Variants in PTPN9 observed in about 807,000 individuals in gnomAD.
The protein encoded by PTPN9 is tyrosine-protein phosphatase non-receptor type 9.
Under a neutral mutation model 69.8 loss-of-function variants are expected in PTPN9, and 26 were observed. The ratio of observed to expected loss-of-function variants is 0.37; its 90% CI spans 0.27 to 0.52. PTPN9 has a LOEUF of 0.52. Ranked by LOEUF, PTPN9 falls within the 20% of genes least tolerant of loss-of-function variation. PTPN9 has a pLI of 0.91. For missense variants in PTPN9, 549 were observed against 740.3 expected (o/e 0.74, Z 3.00); for synonymous variants, 274 against 272.5 (o/e 1.01, Z -0.05).
At chr15:75,548,569 A>T (rs543391280) in intron 1 of PTPN9, among the ~76,000 whole-genome samples, 27 of 151,302 alleles carry the variant, frequency 1.8e-4, no homozygotes, top group Non-Finnish European at 3.5e-4. Context: ...TCATAATATG[A>T]ACTTCTAAAG....
At chr15:75,578,073 T>A (rs779789075) in intron 1 of PTPN9, among the ~76,000 whole-genome samples, 1 of 152,204 alleles carries the variant, frequency 6.6e-6, no homozygotes, top group African/African-American at 2.4e-5. Context: ...GACAGTCAGA[T>A]GAGACGAGGG....
chr15:75,498,150 A>G (rs1488047744), intron 7 of PTPN9, among the ~76,000 whole-genome samples: 1 of 151,914 alleles, frequency 6.6e-6, no homozygotes, highest in Admixed American at 6.6e-5. Flanking sequence ...AGCTGAGATC[A>G]CGCCACTGAA....
In PTPN9 at chr15:75,557,150, C is replaced by G. The variant is rs186905048; in HGVS notation, c.63+21564G>C. On this transcript the variant is annotated intron_variant, in intron 1 of 12. Coordinates refer to ENST00000618819, the MANE Select transcript of PTPN9 (RefSeq NM_002833.4). ...ATTGAGAATAGTGCTGCTGATCAGA[C>G]GCAGTGGCTAATGCCTGTAATCCCA... Among the ~76,000 whole-genome samples, 926 of 152,158 alleles carry G rather than the reference C, an allele frequency of 6.1e-3. 3 individuals carry two copies. The highest frequency in any genetic ancestry group is 0.01 in the Non-Finnish European group (693 of 67,984).
chr15:75,527,394 GACAA>G (rs2074934143), intron 1 of PTPN9, 133 bp from the exon 2 acceptor site: 1 of 952,048 alleles, frequency 1.1e-6, no homozygotes, highest in African/African-American at 1.7e-5. Context: ...AGCAGGGAAA[GACAA>G]ACAAAAAGGT....
At chr15:75,577,870 T>C (rs2075180814) in intron 1 of PTPN9, among the ~76,000 whole-genome samples, 1 of 152,080 alleles carries the variant, frequency 6.6e-6, no homozygotes. Flanking sequence ...GAAAAGCCCG[T>C]AGGGTTCCCA....
rs768463858 is a variant in PTPN9 at position 75,527,301 on chromosome 15, A to T, written c.64-40T>A. The T allele has an allele frequency of 5.0e-6, 8 of 1,607,818 alleles. No homozygotes were observed. In the South Asian group the frequency reaches 8.8e-5, roughly 18 times the overall value. ...AAGAAAGAATAATTAGTAAGAAGAG[A>T]GCATATTTATGGAGTCAAAAAACAA... On this transcript the variant is annotated intron_variant, in intron 1 of 12. Coordinates refer to ENST00000618819, the MANE Select transcript of PTPN9 (RefSeq NM_002833.4).
At chr15:75,537,622 G>A (rs538896199) in intron 1 of PTPN9, among the ~76,000 whole-genome samples, 1 of 149,268 alleles carries the variant, frequency 6.7e-6, no homozygotes, top group Non-Finnish European at 1.5e-5. Flanking sequence ...GGGCGTGGTG[G>A]TGCGCACCTG....
chr15:75,484,418 A>G (rs1043764316), intron 8 of PTPN9, among the ~76,000 whole-genome samples: 1 of 152,246 alleles, frequency 6.6e-6, no homozygotes, highest in Non-Finnish European at 1.5e-5. Context: ...CCTGGACTCC[A>G]TTATTACCTG....
At chr15:75,508,725 T>G (rs778529777) in intron 6 of PTPN9, among the ~76,000 whole-genome samples, 192 bp downstream of exon 6, 4 of 152,222 alleles carry the variant, frequency 2.6e-5, no homozygotes, top group Non-Finnish European at 5.9e-5. Context: ...AAGAAGCTCG[T>G]AGGACAGTAA....
At chr15:75,499,398 A>AAT (rs2074760902) in intron 7 of PTPN9, among the ~76,000 whole-genome samples, 3 of 95,852 alleles carry the variant, frequency 3.1e-5, no homozygotes, top group African/African-American at 9.7e-5. Flanking sequence ...ATCTAAACCC[A>AAT]CTTTTTTTTT....
At chr15:75,568,704 G>A (rs1166188716) in intron 1 of PTPN9, among the ~76,000 whole-genome samples, 2 of 151,836 alleles carry the variant, frequency 1.3e-5, no homozygotes, top group Admixed American at 6.6e-5. Flanking sequence ...AGGCATGGTG[G>A]TACATGCTTG....
At chr15:75,470,163 G>A (rs1214732201) in intron 11 of PTPN9, among the ~76,000 whole-genome samples, 164 bp from the exon 12 acceptor site, 1 of 101,740 alleles carries the variant, frequency 9.8e-6, no homozygotes, top group Non-Finnish European at 1.9e-5. Context: ...AAACCCAAAG[G>A]AAGGGTTGGT....
intron 7 of PTPN9, among the ~76,000 whole-genome samples, chr15:75,505,325 G>A (rs1390252916): frequency 4.0e-5 from 6 of 149,708 alleles, no homozygotes; most frequent in Non-Finnish European, 3.0e-5. Context: ...CACTGCGGAA[G>A]GCCGCAGGGT....
chr15:75,550,719 G>A (rs911394936), intron 1 of PTPN9, among the ~76,000 whole-genome samples: 3 of 151,996 alleles, frequency 2.0e-5, no homozygotes, highest in African/African-American at 4.8e-5. Flanking sequence ...CCCGGGAGAA[G>A]GTTGCAGTGA....
chr15:75,509,877 G>A (rs927250679), intron 5 of PTPN9, among the ~76,000 whole-genome samples: 1 of 151,934 alleles, frequency 6.6e-6, no homozygotes, highest in Non-Finnish European at 1.5e-5. Flanking sequence ...CCTGCTACTC[G>A]GGAGGCTAAG....
intron 7 of PTPN9, among the ~76,000 whole-genome samples, chr15:75,502,595 T>C (rs1555454497): frequency 2.0e-5 from 3 of 152,118 alleles, no homozygotes; most frequent in Non-Finnish European, 2.9e-5. Context: ...AGTTATAAAC[T>C]AGCGAGATGG....
intron 1 of PTPN9, among the ~76,000 whole-genome samples, chr15:75,558,015 CA>C (rs2075084889): frequency 6.6e-6 from 1 of 151,816 alleles, no homozygotes; most frequent in South Asian, 2.1e-4. Flanking sequence ...GCCAACATGC[CA>C]AAACCTCATC....
At chr15:75,506,089 T>C (rs1279901884) in intron 6 of PTPN9, 86 bp from the exon 7 acceptor site, 1 of 1,081,464 alleles carries the variant, frequency 9.2e-7, no homozygotes, top group Non-Finnish European at 1.3e-6. Context: ...TTATATCAGG[T>C]TTGGAGGATG....
chr15:75,509,158 T>G (rs2074834127), intron 5 of PTPN9, 131 bp from the exon 6 acceptor site: 4 of 651,098 alleles, frequency 6.1e-6, no homozygotes, highest in African/African-American at 1.8e-5. Context: ...AGGTTTGATC[T>G]CAGCAGCTAG....
Sources: gnomAD v4.1 joint callset for allele counts (sites outside exome capture counted in the v4.1 genomes callset) on GRCh38, gnomAD v4.1.1 for gene constraint, MANE v1.5 for transcripts, NCBI Gene and HGNC (gene_info 2026-07-23, HGNC 2026-07-21) for gene names.